DERA: variants seen among roughly 807,000 people sequenced by gnomAD.
The protein encoded by DERA is deoxyribose-phosphate aldolase.
Under a neutral mutation model 41.1 loss-of-function variants are expected in DERA, and 15 were observed. That is an observed-to-expected ratio of 0.37 (90% CI 0.24 to 0.56). The LOEUF (loss-of-function observed/expected upper bound fraction) is 0.56. Among genes scored for constraint, DERA ranks in the 20% least tolerant of loss-of-function variants. The probability of loss-of-function intolerance (pLI) is 0.81; values close to 1 mark genes in which losing one functional copy is unlikely to be tolerated. For synonymous variants in DERA, 139 were observed against 137.4 expected (o/e 1.01, Z -0.08); for missense variants, 396 against 403.4 (o/e 0.98, Z 0.16).
chr12:15,942,316 C>G (rs1354678129), intron 1 of DERA, among the ~76,000 whole-genome samples: 1 of 152,082 alleles, frequency 6.6e-6, no homozygotes, highest in Non-Finnish European at 1.5e-5. Context: ...TGTGGGTTGT[C>G]TGTTAACTTT....
At position 16,008,240 on chromosome 12, in the gene DERA, G is replaced by A. The variant is rs1565612699; in HGVS notation, c.638-24302G>A. 1.3e-5 allele frequency among the ~76,000 whole-genome samples: 2 copies of A among 152,214 alleles called. No individual in the cohort carries two copies. The highest frequency in any genetic ancestry group is 4.8e-5 in the African/African-American group (2 of 41,442). On this transcript the variant is annotated intron_variant, in intron 6 of 8. Coordinates refer to ENST00000428559, the MANE Select transcript of DERA (RefSeq NM_015954.4). The surrounding 1 kb of genome is among the most constrained non-coding windows in gnomAD (Gnocchi z 4.8). ...GCTTCATTCGCTAATGCCTCAGATG[G>A]TTGTTTCTCAAACAGGAATCCTACT...
At position 16,036,674 on chromosome 12, in the gene DERA, C is replaced by G; in HGVS notation, c.901-16C>G. 2 of 1,583,920 alleles carry G rather than the reference C, an allele frequency of 1.3e-6. No homozygotes were observed. Among genetic ancestry groups the G allele is most frequent in the Non-Finnish European group, 1.7e-6 (2 of 1,158,168 alleles). Reference sequence around the variant, plus strand: ...TTATAGAATGATTGTTAATTAAACTCTGCTTTTCCTCACAGATTTACCATC... The same window carrying G: ...TTATAGAATGATTGTTAATTAAACTGTGCTTTTCCTCACAGATTTACCATC... On this transcript the variant is annotated splice_polypyrimidine_tract_variant and intron_variant, in intron 8 of 8. Coordinates refer to ENST00000428559, the MANE Select transcript of DERA (RefSeq NM_015954.4). This position sits in a 1 kb window ranked among gnomAD's most constrained non-coding sequence, Gnocchi z 4.9.
intron 5 of DERA, among the ~76,000 whole-genome samples, chr12:15,978,202 A>G (rs1592030983): frequency 6.6e-6 from 1 of 152,194 alleles, no homozygotes; most frequent in Non-Finnish European, 1.5e-5. Context: ...TGAGGTGTCT[A>G]TCATGGTACT....
chr12:16,028,611 A>T (rs1949069642), intron 6 of DERA, among the ~76,000 whole-genome samples: 1 of 152,212 alleles, frequency 6.6e-6, no homozygotes, highest in African/African-American at 2.4e-5. Flanking sequence ...GGAGAAACCG[A>T]GCCAACACTA....
In DERA at chr12:15,918,165, G is replaced by T. The variant is rs1339388207; in HGVS notation, c.31+6751G>T. Among the ~76,000 whole-genome samples the T allele has an allele frequency of 6.6e-6, 1 of 152,194 alleles. No individual in the cohort carries two copies. Among genetic ancestry groups the T allele is most frequent in the East Asian group, 1.9e-4 (1 of 5,174 alleles). ...ACTGTTCTCAGGCTCTGACCCCTGA[G>T]CTGGGCCTCCCTCCTGTGAGTCTGC... is the stretch of plus-strand genomic sequence containing the variant. On this transcript the variant is annotated intron_variant, in intron 1 of 8. Transcript: ENST00000428559. This position sits in a 1 kb window ranked among gnomAD's most constrained non-coding sequence, Gnocchi z 4.3.
In DERA at chr12:15,911,390, G is replaced by A. The variant is rs747784458; in HGVS notation, c.7G>A (p.Ala3Thr). Residue 3 changes from alanine (A) to threonine (T), a missense_variant, in exon 1 of 9, where the codon GCG (alanine) becomes ACG (threonine). Ala to Thr is a moderately conservative substitution (Grantham distance 58). Transcript: ENST00000428559. This position sits in a 1 kb window ranked among gnomAD's most constrained non-coding sequence, Gnocchi z 4.5. ...CTCCGGAGCTGCCCGCGCCATGTCC[G>A]CGCACAATCGGGGCACCGAGCTCGG... MS[A>T]HNRGTELDLS... 6 of 1,404,204 alleles carry A rather than the reference G, an allele frequency of 4.3e-6. No individual in the cohort carries two copies. The highest frequency in any genetic ancestry group is 1.5e-5 in the African/African-American group (1 of 65,760). The allele number at this position is 1,404,204 out of a possible 1,614,324, so 87.0% of individuals were successfully genotyped here.
intron 6 of DERA, among the ~76,000 whole-genome samples, chr12:16,002,278 T>G (rs909233811): frequency 6.6e-6 from 1 of 152,102 alleles, no homozygotes; most frequent in Admixed American, 6.5e-5. Context: ...TTCTAAACTC[T>G]AAATTGTTTG....
At chr12:15,912,185 C>T (rs996369564) in intron 1 of DERA, among the ~76,000 whole-genome samples, 1 of 151,858 alleles carries the variant, frequency 6.6e-6, no homozygotes, top group African/African-American at 2.4e-5. Flanking sequence ...TGTTTGTGTC[C>T]CTGGGTACTT....
Position 15,911,893 on chromosome 12 carries a change from A to G in DERA, c.31+479A>G. 1 of 410,778 alleles carries G rather than the reference A, an allele frequency of 2.4e-6. No individual in the cohort carries two copies. Among genetic ancestry groups the G allele is most frequent in the South Asian group, 1.8e-5 (1 of 56,734 alleles). 25.4% of individuals were successfully genotyped at this position (410,778 alleles called of 1,614,324 possible). On this transcript the variant is annotated intron_variant, in intron 1 of 8. Coordinates refer to ENST00000428559, the MANE Select transcript of DERA (RefSeq NM_015954.4). The surrounding 1 kb of genome is among the most constrained non-coding windows in gnomAD (Gnocchi z 4.5). ...AAAAGTTGTCAGCCGTCTGTGCTCA[A>G]AATGTAACACTGCAGATTCATGGGA...
chr12:15,960,356 G>GGC lies in DERA; in HGVS notation c.373+433_373+434dup, dbSNP rs1948575989. On this transcript the variant is annotated intron_variant, in intron 4 of 8. Coordinates refer to ENST00000428559, the MANE Select transcript of DERA (RefSeq NM_015954.4). Reference sequence around the variant, plus strand: ...TAAAATATAATAATAATGATATGCGGGCTGGGGACGGTGGCTCACAACTAT... The same window carrying GGC: ...TAAAATATAATAATAATGATATGCGGGCGCTGGGGACGGTGGCTCACAACTAT... Among the ~76,000 whole-genome samples the GGC allele has an allele frequency of 2.0e-5, 3 of 150,790 alleles. No homozygotes were observed. The South Asian group carries it at 6.2e-4, about 31-fold the overall frequency.
At chr12:16,023,473 C>CTTT (rs58250786) in intron 6 of DERA, among the ~76,000 whole-genome samples, 243 of 111,852 alleles carry the variant, frequency 2.2e-3, no homozygotes, top group African/African-American at 2.9e-3. Context: ...AACTCAAAGT[C>CTTT]TTTTTTTTTT....
At chr12:15,969,196 C>G (rs1256824357) in intron 5 of DERA, among the ~76,000 whole-genome samples, 1 of 152,204 alleles carries the variant, frequency 6.6e-6, no homozygotes, top group Non-Finnish European at 1.5e-5. Context: ...TTCATCATTT[C>G]ATAAATCTTA....
intron 1 of DERA, among the ~76,000 whole-genome samples, chr12:15,942,545 G>A (rs1228261738): frequency 6.6e-6 from 1 of 152,202 alleles, no homozygotes; most frequent in African/African-American, 2.4e-5. Flanking sequence ...TATAAGGCAA[G>A]AGATGGGGAT....
At chr12:15,914,525 G>A (rs753044548) in intron 1 of DERA, among the ~76,000 whole-genome samples, 1 of 152,154 alleles carries the variant, frequency 6.6e-6, no homozygotes, top group Non-Finnish European at 1.5e-5. Context: ...GTGAAGCTTG[G>A]CACCTTCTTC....
intron 5 of DERA, among the ~76,000 whole-genome samples, chr12:15,978,118 A>G (rs897183711): frequency 8.5e-5 from 13 of 152,214 alleles, no homozygotes; most frequent in Non-Finnish European, 4.4e-5. Flanking sequence ...GTTAAAGGAC[A>G]TAATTTGAGA....
chr12:15,952,589 A>G (rs945137987), intron 1 of DERA, among the ~76,000 whole-genome samples: 11 of 152,260 alleles, frequency 7.2e-5, no homozygotes, highest in South Asian at 2.1e-4. Flanking sequence ...TACTTAGCCA[A>G]GTGTACCCCA....
chr12:15,916,498 TG>T (rs1313258399), intron 1 of DERA, among the ~76,000 whole-genome samples: 1 of 148,158 alleles, frequency 6.7e-6, no homozygotes, highest in Non-Finnish European at 1.5e-5. Context: ...TCACCCAGGC[TG>T]GAGTGCAGTG....
At chr12:16,025,843 C>A (rs549361578) in intron 6 of DERA, among the ~76,000 whole-genome samples, 1 of 152,026 alleles carries the variant, frequency 6.6e-6, no homozygotes, top group Non-Finnish European at 1.5e-5. Flanking sequence ...GAAAATCACA[C>A]AAAATATGTT....
At position 15,913,273 on chromosome 12, in the gene DERA, A is replaced by G. The variant is rs1158385655; in HGVS notation, c.31+1859A>G. Among the ~76,000 whole-genome samples, 1 of 152,232 alleles carries G rather than the reference A, an allele frequency of 6.6e-6. No homozygotes were observed. Among genetic ancestry groups the G allele is most frequent in the Non-Finnish European group, 1.5e-5 (1 of 68,040 alleles). On this transcript the variant is annotated intron_variant, in intron 1 of 8. Coordinates refer to ENST00000428559, the MANE Select transcript of DERA (RefSeq NM_015954.4). The surrounding 1 kb of genome is among the most constrained non-coding windows in gnomAD (Gnocchi z 4.5). ...ATGTGGTTTTTATGCAGCTATCGAA[A>G]TGATCATAGCTTTGTATTTATTATC...
Sources: gnomAD v4.1 joint callset for allele counts (sites outside exome capture counted in the v4.1 genomes callset) on GRCh38, gnomAD v4.1.1 for gene constraint, Gnocchi (gnomAD v3.1) non-coding constraint, MANE v1.5 for transcripts, NCBI Gene and HGNC (gene_info 2026-07-23, HGNC 2026-07-21) for gene names.